PARD3B: variants seen among roughly 807,000 people sequenced by gnomAD.
PARD3B encodes partitioning defective 3 homolog B.
PARD3B carries 103 observed loss-of-function variants against 130.2 expected under a neutral mutation model. The ratio of observed to expected loss-of-function variants is 0.79; its 90% CI spans 0.67 to 0.93. The LOEUF (loss-of-function observed/expected upper bound fraction) is 0.93. Among genes scored for constraint, PARD3B ranks in the 40% least tolerant of loss-of-function variants. The pLI, the probability that PARD3B is intolerant of heterozygous loss-of-function variation, is 0.00. For missense variants in PARD3B, 1,609 were observed against 1,499.2 expected, an observed-to-expected ratio of 1.07 and a Z score of -1.21; for synonymous variants, 583 against 553.2, an observed-to-expected ratio of 1.05 and a Z score of -0.76.
At chr2:205,377,959 C>T (rs1489590751) in intron 18 of PARD3B, among the ~76,000 whole-genome samples, 1 of 151,896 alleles carries the variant, frequency 6.6e-6, no homozygotes, top group Non-Finnish European at 1.5e-5. Flanking sequence ...TTAGTAGAGA[C>T]GTGGTTTCAC....
In PARD3B at chr2:205,122,008, GA is replaced by G; in HGVS notation, c.1165+60del. Reference sequence around the variant, plus strand: ...TATTGTAACATGTAAAATTGGTTAAGAGAAATGCATTAAGGCTAATTTAGTT... The same window carrying G: ...TATTGTAACATGTAAAATTGGTTAAGGAAATGCATTAAGGCTAATTTAGTT... On this transcript the variant is annotated intron_variant, in intron 8 of 22. Coordinates refer to ENST00000406610, the MANE Select transcript of PARD3B (RefSeq NM_001302769.2). This position sits in a 1 kb window ranked among gnomAD's most constrained non-coding sequence, Gnocchi z 4.3. 1 of 1,398,628 alleles carries G rather than the reference GA, an allele frequency of 7.1e-7. No individual in the cohort carries two copies. Among genetic ancestry groups the G allele is most frequent in the Non-Finnish European group, 9.7e-7 (1 of 1,028,688 alleles). The allele number at this position is 1,398,628 out of a possible 1,614,324, so 86.6% of individuals were successfully genotyped here. A position where few individuals can be genotyped will look rare whatever the true frequency, so the allele number is the denominator to read the frequency against.
chr2:205,143,463 T>C (rs1204588212), intron 10 of PARD3B, among the ~76,000 whole-genome samples: 2 of 152,210 alleles, frequency 1.3e-5, no homozygotes, highest in Non-Finnish European at 1.5e-5. Flanking sequence ...GAAGTCCTGC[T>C]CAACCTACAT....
At chr2:204,585,474 C>T (rs1202588832) in intron 1 of PARD3B, among the ~76,000 whole-genome samples, 1 of 151,462 alleles carries the variant, frequency 6.6e-6, no homozygotes, top group African/African-American at 2.4e-5. Flanking sequence ...GCTGGGACTA[C>T]AGGTGGATGC....
chr2:205,543,049 C>T (rs1348546430), intron 21 of PARD3B, among the ~76,000 whole-genome samples: 2 of 152,122 alleles, frequency 1.3e-5, no homozygotes, highest in African/African-American at 2.4e-5. Flanking sequence ...TTAACTTCCA[C>T]TGCGTAGATG....
chr2:205,394,564 T>C (rs961313082), intron 18 of PARD3B, among the ~76,000 whole-genome samples: 8 of 152,116 alleles, frequency 5.3e-5, no homozygotes, highest in Non-Finnish European at 1.0e-4. Flanking sequence ...TTATTTACAA[T>C]AGCCAAAAGA....
chr2:204,715,763 C>T (rs2125309148), intron 2 of PARD3B, among the ~76,000 whole-genome samples: 1 of 152,298 alleles, frequency 6.6e-6, no homozygotes, highest in Admixed American at 6.5e-5. Context: ...TTCTTTCTCC[C>T]TTTACTGCCA....
At chr2:205,581,351 G>T in intron 22 of PARD3B, among the ~76,000 whole-genome samples, 1 of 144,476 alleles carries the variant, frequency 6.9e-6, no homozygotes, top group South Asian at 2.1e-4. Flanking sequence ...GTGTGTGTGT[G>T]TACGTGTGTG....
At chr2:205,218,137 C>T (rs1009183693) in intron 15 of PARD3B, among the ~76,000 whole-genome samples, 8 of 151,826 alleles carry the variant, frequency 5.3e-5, no homozygotes, top group Non-Finnish European at 8.8e-5. Context: ...ATGATCCACC[C>T]ACCTTGGCTT....
intron 15 of PARD3B, among the ~76,000 whole-genome samples, chr2:205,222,267 G>A (rs1039174513): frequency 6.6e-6 from 1 of 151,980 alleles, no homozygotes; most frequent in African/African-American, 2.4e-5. Flanking sequence ...GTAGAAATAT[G>A]TAGTTCTTTA....
chr2:204,617,601 G>T (rs2034158110), intron 1 of PARD3B, among the ~76,000 whole-genome samples: 1 of 152,044 alleles, frequency 6.6e-6, no homozygotes, highest in Non-Finnish European at 1.5e-5. Flanking sequence ...TACATGTGCA[G>T]GTTTGTTACA....
intron 21 of PARD3B, among the ~76,000 whole-genome samples, chr2:205,536,903 A>G (rs1020148974): frequency 2.0e-5 from 3 of 152,204 alleles, no homozygotes; most frequent in Non-Finnish European, 2.9e-5. Context: ...ATGGCATTAC[A>G]TCTGTCACAA....
chr2:204,884,654 T>C (rs1190018071), intron 2 of PARD3B, among the ~76,000 whole-genome samples: 2 of 152,146 alleles, frequency 1.3e-5, no homozygotes, highest in African/African-American at 4.8e-5. Flanking sequence ...TTCCCCTCTA[T>C]GCATCCATGT....
At position 204,960,880 on chromosome 2, in the gene PARD3B, G is replaced by A. The variant is rs150945835; in HGVS notation, c.223-4272G>A. On this transcript the variant is annotated intron_variant, in intron 2 of 22. Coordinates refer to ENST00000406610, the MANE Select transcript of PARD3B (RefSeq NM_001302769.2). ...GGAGAATACAGAGAGTAATGAAGAT[G>A]CTGCAATTTAGTGTAGCCAGAGAAA... 3.9e-4 allele frequency among the ~76,000 whole-genome samples: 60 copies of A among 152,300 alleles called. 1 individual carries two copies. In the East Asian group the frequency reaches 0.012, roughly 29 times the overall value.
At chr2:205,117,901 G>T (rs1438957693) in intron 6 of PARD3B, among the ~76,000 whole-genome samples, 3 of 21,004 alleles carry the variant, frequency 1.4e-4, no homozygotes, top group Non-Finnish European at 3.9e-4. Context: ...TAACAGAATT[G>T]TGTATGTATG....
rs949915615 is a variant in PARD3B at position 205,341,597 on chromosome 2, T to TG, written c.2630+39901dup. On this transcript the variant is annotated intron_variant, in intron 18 of 22. Transcript: ENST00000406610. The surrounding 1 kb of genome is among the most constrained non-coding windows in gnomAD (Gnocchi z 4.3). ...TGTGGCTATTAGAGGCTGGGAAGCA[T>TG]GGGGGAAGGAGAGGGTAGGGAGAGG... Among the ~76,000 whole-genome samples the TG allele has an allele frequency of 2.6e-5, 4 of 151,856 alleles. No individual in the cohort carries two copies. The highest frequency in any genetic ancestry group is 4.4e-5 in the Non-Finnish European group (3 of 67,918).
intron 2 of PARD3B, among the ~76,000 whole-genome samples, chr2:204,882,114 T>G (rs924091802): frequency 6.6e-6 from 1 of 152,180 alleles, no homozygotes; most frequent in South Asian, 2.1e-4. Context: ...AGCTATAAAC[T>G]GACTTTTGCT....
At chr2:205,132,519 A>G (rs953774613) in intron 10 of PARD3B, among the ~76,000 whole-genome samples, 2 of 152,118 alleles carry the variant, frequency 1.3e-5, no homozygotes, top group Non-Finnish European at 2.9e-5. Flanking sequence ...ATCTACTTAT[A>G]GGTCATTTGC....
At chr2:205,285,171 G>A (rs2041346297) in intron 16 of PARD3B, among the ~76,000 whole-genome samples, 1 of 152,104 alleles carries the variant, frequency 6.6e-6, no homozygotes, top group Non-Finnish European at 1.5e-5. Context: ...TTGGGAGGCT[G>A]ACGTTTGTAA....
chr2:205,171,474 G>A lies in PARD3B; in HGVS notation c.1621-737G>A, dbSNP rs139943494. 1.9e-3 allele frequency among the ~76,000 whole-genome samples: 283 copies of A among 152,294 alleles called. 1 individual carries two copies. The highest frequency in any genetic ancestry group is 6.5e-3 in the African/African-American group (272 of 41,560). On this transcript the variant is annotated intron_variant, in intron 11 of 22. Coordinates refer to ENST00000406610, the MANE Select transcript of PARD3B (RefSeq NM_001302769.2). ...TGAATGAGACCACAGTCTGGGCTGT[G>A]TATTCATATGCCGAGGTTCTTTGTG...
Sources: allele counts gnomAD v4.1 joint callset (sites outside exome capture counted in the v4.1 genomes callset), GRCh38; gene constraint gnomAD v4.1.1; non-coding constraint Gnocchi (gnomAD v3.1); transcripts MANE v1.5; gene names NCBI Gene and HGNC (gene_info 2026-07-23, HGNC 2026-07-21).